The following DLG2 variants were observed in gnomAD, a reference collection of about 807,000 sequenced individuals.
The protein encoded by DLG2 is discs large MAGUK scaffold protein 2, also known as disks large homolog 2.
A neutral mutation model predicts 132.5 loss-of-function variants in DLG2; 45 were observed. The observed-to-expected ratio is 0.34, with a 90% CI of 0.27 to 0.44. DLG2 has a LOEUF of 0.44. DLG2 is among the 20% of genes least tolerant of loss of function. The probability of loss-of-function intolerance (pLI) is 1.00; values close to 1 mark genes in which losing one functional copy is unlikely to be tolerated. For missense variants in DLG2, 1,045 were observed against 1,196.9 expected (o/e 0.87, Z 1.87); for synonymous variants, 424 against 419.6 (o/e 1.01, Z -0.13).
At chr11:83,914,896 A>G (rs937877529) in intron 15 of DLG2, among the ~76,000 whole-genome samples, 6 of 152,184 alleles carry the variant, frequency 3.9e-5, no homozygotes, top group African/African-American at 1.4e-4. Context: ...ATAGGCACAT[A>G]GTTTAAAATC....
intron 8 of DLG2, among the ~76,000 whole-genome samples, chr11:84,241,548 T>C (rs996518000): frequency 2.6e-5 from 4 of 152,148 alleles, no homozygotes; most frequent in Admixed American, 6.5e-5. Context: ...AACATGTCTA[T>C]TCATTAGACT....
chr11:84,694,899 C>T (rs1276248421), intron 6 of DLG2, among the ~76,000 whole-genome samples: 2 of 151,508 alleles, frequency 1.3e-5, no homozygotes, highest in African/African-American at 4.8e-5. Flanking sequence ...TTTCCAAGAA[C>T]ATTTTGTATA....
chr11:83,463,256 GA>G lies in DLG2; in HGVS notation c.2730-1164del, dbSNP rs34949228. Reference sequence around the variant, plus strand: ...GATATCTTTCAAAAGAGGCTATTTGGAAAAAAAAAAAACAATATATTGACAT... The same window carrying G: ...GATATCTTTCAAAAGAGGCTATTTGGAAAAAAAAAAACAATATATTGACAT... On this transcript the variant is annotated intron_variant, in intron 26 of 27. Coordinates refer to ENST00000376104, the MANE Select transcript of DLG2 (RefSeq NM_001142699.3). Among the ~76,000 whole-genome samples the G allele has an allele frequency of 2.2e-3, 319 of 144,544 alleles. 1 individual carries two copies. Among genetic ancestry groups the G allele is most frequent in the South Asian group, 5.3e-3 (24 of 4,554 alleles). The allele number at this position is 144,544 out of a possible 152,430, so 94.8% of individuals were successfully genotyped here. A position where few individuals can be genotyped will look rare whatever the true frequency, so the allele number is the denominator to read the frequency against.
At chr11:85,494,456 C>A (rs1282237162) in intron 3 of DLG2, among the ~76,000 whole-genome samples, 1 of 151,972 alleles carries the variant, frequency 6.6e-6, no homozygotes, top group Non-Finnish European at 1.5e-5. Flanking sequence ...ATCTTTATTT[C>A]ATCAATTGCT....
At chr11:83,764,343 T>C (rs551436316) in intron 18 of DLG2, among the ~76,000 whole-genome samples, 1 of 152,312 alleles carries the variant, frequency 6.6e-6, no homozygotes, top group East Asian at 1.9e-4. Flanking sequence ...ATCATAGACA[T>C]TCAATATATG....
chr11:85,611,560 T>C (rs185741922), intron 2 of DLG2, among the ~76,000 whole-genome samples: 33 of 152,336 alleles, frequency 2.2e-4, no homozygotes, highest in African/African-American at 7.7e-4. Context: ...GGTTATGCCA[T>C]AGTTAATGAT....
chr11:84,927,598 G>A (rs904288524), intron 6 of DLG2, among the ~76,000 whole-genome samples: 1 of 152,006 alleles, frequency 6.6e-6, no homozygotes, highest in Non-Finnish European at 1.5e-5. Flanking sequence ...CCATTTTAAT[G>A]TTGTAGAGAG....
intron 21 of DLG2, among the ~76,000 whole-genome samples, chr11:83,519,570 C>T (rs544678822): frequency 1.1e-4 from 17 of 152,264 alleles, no homozygotes; most frequent in Middle Eastern, 3.4e-3. Context: ...ATATTCTTCA[C>T]CTCATGGGAT....
At chr11:85,032,011 A>G (rs2154145140) in intron 6 of DLG2, among the ~76,000 whole-genome samples, 2 of 123,380 alleles carry the variant, frequency 1.6e-5, no homozygotes, top group South Asian at 5.3e-4. Flanking sequence ...TATGTTGGCC[A>G]CGGCTGGTCT....
At chr11:85,142,986 T>C (rs2152434253) in intron 5 of DLG2, among the ~76,000 whole-genome samples, 1 of 151,978 alleles carries the variant, frequency 6.6e-6, no homozygotes, top group Admixed American at 6.6e-5. Context: ...TGCATCTATG[T>C]TCATCAGAGA....
At chr11:85,547,419 C>T (rs962315034) in intron 3 of DLG2, among the ~76,000 whole-genome samples, 3 of 152,180 alleles carry the variant, frequency 2.0e-5, no homozygotes, top group Non-Finnish European at 2.9e-5. Flanking sequence ...CTGCTCTTAA[C>T]ATTTTTTCCT....
intron 6 of DLG2, among the ~76,000 whole-genome samples, chr11:84,941,471 C>T (rs2049409708): frequency 6.6e-6 from 1 of 152,048 alleles, no homozygotes; most frequent in South Asian, 2.1e-4. Context: ...TTTTCAGCAT[C>T]AATTAAAAGG....
At chr11:85,240,636 G>T (rs923540180) in intron 4 of DLG2, among the ~76,000 whole-genome samples, 1 of 151,728 alleles carries the variant, frequency 6.6e-6, no homozygotes, top group Non-Finnish European at 1.5e-5. Flanking sequence ...TTCTGTATGT[G>T]TGGTCAGTTT....
chr11:84,354,726 G>T (rs1258053078), intron 7 of DLG2, among the ~76,000 whole-genome samples: 1 of 152,088 alleles, frequency 6.6e-6, no homozygotes, highest in Non-Finnish European at 1.5e-5. Context: ...GCTCCCTAAA[G>T]AGTTGTGAAG....
chr11:83,614,944 G>T (rs12282317), intron 19 of DLG2, among the ~76,000 whole-genome samples: 28,527 of 152,122 alleles, frequency 0.19, 2,832 homozygotes, highest in African/African-American at 0.19. Flanking sequence ...GGCTTAAAAA[G>T]GGTAGCAAGT....
At chr11:85,333,741 C>A (rs1160612051) in intron 3 of DLG2, among the ~76,000 whole-genome samples, 1 of 151,980 alleles carries the variant, frequency 6.6e-6, no homozygotes, top group Non-Finnish European at 1.5e-5. Context: ...TATTGATTTC[C>A]ATATGTTGAA....
At chr11:85,402,349 T>C (rs1244261942) in intron 3 of DLG2, among the ~76,000 whole-genome samples, 2 of 151,892 alleles carry the variant, frequency 1.3e-5, no homozygotes, top group Non-Finnish European at 2.9e-5. Context: ...CTCAAGATGG[T>C]TTAAAAACTT....
intron 6 of DLG2, among the ~76,000 whole-genome samples, chr11:84,542,238 C>T (rs1334231729): frequency 6.6e-6 from 1 of 152,076 alleles, no homozygotes; most frequent in East Asian, 1.9e-4. Flanking sequence ...TATTATCATA[C>T]CTAATAGTGA....
intron 6 of DLG2, among the ~76,000 whole-genome samples, chr11:84,973,126 T>A (rs2054343133): frequency 6.6e-6 from 1 of 151,738 alleles, no homozygotes; most frequent in Non-Finnish European, 1.5e-5. Context: ...CCCACCTAAT[T>A]TTTTGTATTT....
Sources: gnomAD v4.1 joint callset for allele counts (sites outside exome capture counted in the v4.1 genomes callset) on GRCh38, gnomAD v4.1.1 for gene constraint, MANE v1.5 for transcripts, NCBI Gene and HGNC (gene_info 2026-07-23, HGNC 2026-07-21) for gene names.